Variants in BNC2 observed in about 807,000 individuals in gnomAD.
BNC2 encodes basonuclin zinc finger protein 2.
BNC2 carries 20 observed loss-of-function variants against 76.3 expected under a neutral mutation model. The ratio of observed to expected loss-of-function variants is 0.26; its 90% CI spans 0.18 to 0.38. BNC2 has a LOEUF of 0.38. BNC2 is among the 10% of genes least tolerant of loss of function. The probability of loss-of-function intolerance (pLI) is 1.00; values close to 1 mark genes in which losing one functional copy is unlikely to be tolerated. For synonymous variants in BNC2, 582 were observed against 514.8 expected, an observed-to-expected ratio of 1.13 and a Z score of -1.77; for missense variants, 1,382 against 1,399.8, an observed-to-expected ratio of 0.99 and a Z score of 0.20.
chr9:16,654,704 C>A (rs559805451), intron 3 of BNC2, among the ~76,000 whole-genome samples: 2 of 152,164 alleles, frequency 1.3e-5, no homozygotes, highest in Non-Finnish European at 2.9e-5. Flanking sequence ...TTTTACCCAT[C>A]CCCCATGCCC....
intron 1 of BNC2, among the ~76,000 whole-genome samples, chr9:16,863,424 G>A (rs899376955): frequency 6.6e-6 from 1 of 152,190 alleles, no homozygotes; most frequent in African/African-American, 2.4e-5. Context: ...GTGGCTCACT[G>A]TGGGATCACA....
At chr9:16,769,536 G>A (rs1244601093) in intron 1 of BNC2, among the ~76,000 whole-genome samples, 4 of 152,158 alleles carry the variant, frequency 2.6e-5, no homozygotes, top group African/African-American at 9.7e-5. Flanking sequence ...AGAGCCAACG[G>A]AAAGGAGAGC....
intron 1 of BNC2, among the ~76,000 whole-genome samples, chr9:16,805,834 G>A (rs1008277769): frequency 2.0e-5 from 3 of 152,052 alleles, no homozygotes; most frequent in African/African-American, 4.8e-5. Flanking sequence ...AAACACAGAT[G>A]GGAATGTGAA....
At chr9:16,748,221 C>G (rs926886666) in intron 1 of BNC2, among the ~76,000 whole-genome samples, 1 of 152,170 alleles carries the variant, frequency 6.6e-6, no homozygotes, top group Admixed American at 6.5e-5. Context: ...CTTTCAGGAT[C>G]TGGCAAATAA....
chr9:16,576,434 C>G (rs1037776041), intron 4 of BNC2, among the ~76,000 whole-genome samples: 3 of 152,050 alleles, frequency 2.0e-5, no homozygotes, highest in Non-Finnish European at 2.9e-5. Context: ...AAGAGATTGG[C>G]AAGGAAAAGA....
At chr9:16,458,582 G>A (rs1821505428) in intron 5 of BNC2, among the ~76,000 whole-genome samples, 1 of 152,174 alleles carries the variant, frequency 6.6e-6, no homozygotes, top group South Asian at 2.1e-4. Flanking sequence ...AACAATGTAG[G>A]TAGCATTTTT....
intron 6 of BNC2, among the ~76,000 whole-genome samples, chr9:16,425,212 T>C (rs182284717): frequency 1.5e-4 from 23 of 152,354 alleles, no homozygotes; most frequent in Admixed American, 3.3e-4. Flanking sequence ...CAGTTTCCTC[T>C]ACATTCAAAT....
rs1450379305 is a variant in BNC2 at position 16,418,686 on chromosome 9, G to GTATGTGCA, written c.*302_*303insTGCACATA. 3.0e-6 allele frequency: 1 copy of GTATGTGCA among 330,384 alleles called. No individual in the cohort carries two copies. The highest frequency in any genetic ancestry group is 2.4e-5 in the African/African-American group (1 of 41,736). The allele number at this position is 330,384 out of a possible 1,614,324, so 20.5% of individuals were successfully genotyped here. ...ACACTGTGTGTGTGTGTGTGTGTGTGTGTGTATGTGCATGTGTGTGTGTGT... is the reference window on the plus strand; with the variant it reads ...ACACTGTGTGTGTGTGTGTGTGTGTGTATGTGCATGTGTATGTGCATGTGTGTGTGTGT... On this transcript the variant is annotated 3_prime_UTR_variant, in exon 7 of 7. Coordinates refer to ENST00000380672, the MANE Select transcript of BNC2 (RefSeq NM_017637.6).
intron 5 of BNC2, among the ~76,000 whole-genome samples, chr9:16,482,474 T>C (rs1822078001): frequency 6.6e-6 from 1 of 152,138 alleles, no homozygotes; most frequent in Admixed American, 6.5e-5. Context: ...AAAACCCTCT[T>C]CTTATATTGA....
chr9:16,425,919 C>A (rs188818270), intron 6 of BNC2, among the ~76,000 whole-genome samples: 122 of 152,324 alleles, frequency 8.0e-4, no homozygotes, highest in African/African-American at 2.9e-3. Context: ...TCCAGCAGCC[C>A]CATTCCCTAA....
intron 1 of BNC2, among the ~76,000 whole-genome samples, chr9:16,794,671 A>T (rs915752361): frequency 6.6e-6 from 1 of 152,230 alleles, no homozygotes; most frequent in African/African-American, 2.4e-5. Context: ...TTAGGTGAGT[A>T]AGAGCCAGTA....
intron 1 of BNC2, among the ~76,000 whole-genome samples, chr9:16,780,441 G>A (rs1010004154): frequency 1.3e-5 from 2 of 151,016 alleles, no homozygotes; most frequent in African/African-American, 2.4e-5. Flanking sequence ...GCGTAGTGGC[G>A]GGCGCCTGTA....
intron 3 of BNC2, among the ~76,000 whole-genome samples, chr9:16,701,453 A>G (rs889078028): frequency 1.3e-5 from 2 of 152,328 alleles, no homozygotes; most frequent in African/African-American, 4.8e-5. Context: ...TATCATGACT[A>G]GCATCCCTAG....
Position 16,498,607 on chromosome 9 carries a change from C to G in BNC2, c.669+53923G>C, listed in dbSNP as rs143671155. Among the ~76,000 whole-genome samples, 13 of 151,414 alleles carry G rather than the reference C, an allele frequency of 8.6e-5. No individual in the cohort carries two copies. In the East Asian group the frequency reaches 2.3e-3, roughly 27 times the overall value. On this transcript the variant is annotated intron_variant, in intron 5 of 6. Coordinates refer to ENST00000380672, the MANE Select transcript of BNC2 (RefSeq NM_017637.6). ...TGCACCAAAATCTCATAAATCACCA[C>G]TAAAGAACTTACTCATGTAACCAAA...
chr9:16,856,277 TCACACACA>T (rs5896710), intron 1 of BNC2, among the ~76,000 whole-genome samples: 3 of 148,140 alleles, frequency 2.0e-5, no homozygotes, highest in Admixed American at 6.7e-5. Context: ...TCTCTCTCTC[TCACACACA>T]CACACACACA....
intron 5 of BNC2, among the ~76,000 whole-genome samples, chr9:16,445,586 A>G (rs79630458): frequency 0.012 from 1,891 of 152,258 alleles, 34 homozygotes; most frequent in African/African-American, 0.043. Context: ...ATTTCTCAAC[A>G]GCATCCCTTT....
At chr9:16,663,043 C>CA (rs1312442459) in intron 3 of BNC2, among the ~76,000 whole-genome samples, 3 of 151,168 alleles carry the variant, frequency 2.0e-5, no homozygotes, top group African/African-American at 7.3e-5. Context: ...ACTATACAGC[C>CA]AAGTGATTTC....
rs547181052 is a variant in BNC2 at position 16,743,502 on chromosome 9, C to T, written c.4-5017G>A. ...TTCTCAAACTATCAGAGGCGTGGAC[C>T]TTTGTGTAGTATTGTGGGTGTCATG... On this transcript the variant is annotated intron_variant, in intron 1 of 6. Transcript: ENST00000380672. 1.7e-4 allele frequency among the ~76,000 whole-genome samples: 26 copies of T among 152,222 alleles called. No individual in the cohort carries two copies. The South Asian group carries it at 4.8e-3, about 28-fold the overall frequency.
chr9:16,672,074 C>T (rs939412425), intron 3 of BNC2, among the ~76,000 whole-genome samples: 2 of 152,216 alleles, frequency 1.3e-5, no homozygotes, highest in African/African-American at 4.8e-5. Context: ...ACTCTGCTAA[C>T]AGCAAGGGGT....
Sources: gnomAD v4.1 joint callset for allele counts (sites outside exome capture counted in the v4.1 genomes callset) on GRCh38, gnomAD v4.1.1 for gene constraint, MANE v1.5 for transcripts, NCBI Gene and HGNC (gene_info 2026-07-23, HGNC 2026-07-21) for gene names.